Variants in CACNA1A observed in about 807,000 individuals in gnomAD.
CACNA1A encodes the protein voltage-dependent P/Q-type calcium channel subunit alpha-1A.
CACNA1A carries 57 observed loss-of-function variants against 262.4 expected under a neutral mutation model. That is an observed-to-expected ratio of 0.22 (90% CI 0.18 to 0.27). The LOEUF (loss-of-function observed/expected upper bound fraction) is 0.27. Among genes scored for constraint, CACNA1A ranks in the 10% least tolerant of loss-of-function variants. CACNA1A has a pLI of 1.00. For synonymous variants in CACNA1A, 1,431 were observed against 1,419.3 expected (o/e 1.01, Z -0.18); for missense variants, 2,526 against 3,562.8 (o/e 0.71, Z 7.41).
At chr19:13,328,091 G>A (rs1348650012) in intron 10 of CACNA1A, among the ~76,000 whole-genome samples, 1 of 151,850 alleles carries the variant, frequency 6.6e-6, no homozygotes, top group Non-Finnish European at 1.5e-5. Context: ...GTTTTTCAGA[G>A]ATGGAGCCTT....
rs551437481 is a variant in CACNA1A at position 13,392,192 on chromosome 19, C to T, written c.540-20413G>A. 2.6e-5 allele frequency among the ~76,000 whole-genome samples: 4 copies of T among 151,084 alleles called. No homozygotes were observed. The South Asian group carries it at 6.3e-4, about 24-fold the overall frequency. On this transcript the variant is annotated intron_variant, in intron 3 of 46. Coordinates refer to ENST00000360228, the MANE Select transcript of CACNA1A (RefSeq NM_001127222.2). ...TGCCACTGCACTCGAGCCTGGTCAA[C>T]AAGAGTGAAACTCTGTTCAAAAAAA...
intron 24 of CACNA1A, chr19:13,274,109 A>T (rs1413057140): frequency 1.3e-5 from 2 of 152,106 alleles, no homozygotes; most frequent in African/African-American, 4.8e-5. Context: ...GAGGGAGAGG[A>T]GAAGAGAAAA....
intron 3 of CACNA1A, among the ~76,000 whole-genome samples, chr19:13,388,659 T>A (rs570388955): frequency 3.3e-5 from 5 of 152,212 alleles, no homozygotes; most frequent in Non-Finnish European, 7.3e-5. Context: ...GTATGACGCC[T>A]GTCTCTTGTT....
At chr19:13,330,809 A>G (rs983330064) in intron 9 of CACNA1A, among the ~76,000 whole-genome samples, 2 of 152,092 alleles carry the variant, frequency 1.3e-5, no homozygotes, top group Non-Finnish European at 2.9e-5. Context: ...CAGGCTGGTC[A>G]AACTCTTGAC....
At chr19:13,253,228 T>C (rs2056449241) in intron 29 of CACNA1A, 127 bp from the exon 30 acceptor site, 2 of 554,374 alleles carry the variant, frequency 3.6e-6, no homozygotes, top group Middle Eastern at 4.8e-4. Flanking sequence ...GCAACCTCAC[T>C]GGTAGGAGGC....
intron 1 of CACNA1A, among the ~76,000 whole-genome samples, chr19:13,488,557 C>A (rs1208467410): frequency 1.3e-5 from 2 of 151,606 alleles, no homozygotes; most frequent in African/African-American, 4.8e-5. Flanking sequence ...TGCCACCACA[C>A]CTGGGTAATT....
At chr19:13,473,686 T>C (rs1047725526) in intron 1 of CACNA1A, among the ~76,000 whole-genome samples, 12 of 152,148 alleles carry the variant, frequency 7.9e-5, no homozygotes, top group Non-Finnish European at 4.4e-5. Flanking sequence ...AGGAACCACA[T>C]CTGTCCTGCC....
intron 1 of CACNA1A, among the ~76,000 whole-genome samples, chr19:13,492,796 C>T (rs1385587539): frequency 1.3e-5 from 2 of 152,188 alleles, no homozygotes; most frequent in East Asian, 1.9e-4. Flanking sequence ...CCTGCCCTCA[C>T]GTCCTCCCAT....
At chr19:13,488,905 G>C (rs1028228043) in intron 1 of CACNA1A, among the ~76,000 whole-genome samples, 39 of 151,640 alleles carry the variant, frequency 2.6e-4, no homozygotes, top group African/African-American at 3.9e-4. Flanking sequence ...GCACTATTCA[G>C]CACAGTGGTC....
chr19:13,215,728 C>T (rs892920367), intron 38 of CACNA1A, among the ~76,000 whole-genome samples: 3 of 150,976 alleles, frequency 2.0e-5, no homozygotes, highest in Non-Finnish European at 4.4e-5. Context: ...GAGATTCTCC[C>T]GCTTCAGCTT....
chr19:13,372,894 G>A (rs1181460112), intron 3 of CACNA1A, among the ~76,000 whole-genome samples: 6 of 152,218 alleles, frequency 3.9e-5, no homozygotes, highest in Non-Finnish European at 5.9e-5. Context: ...TAGGTGGGAT[G>A]AGGCTTCCAT....
At chr19:13,369,313 C>T (rs1355496322) in intron 4 of CACNA1A, among the ~76,000 whole-genome samples, 4 of 152,112 alleles carry the variant, frequency 2.6e-5, no homozygotes, top group Admixed American at 6.6e-5. Flanking sequence ...TACAAAAGGC[C>T]GGCATCCTTG....
chr19:13,245,103 C>T, intron 31 of CACNA1A, 79 bp downstream of exon 31: 1 of 1,140,212 alleles, frequency 8.8e-7, no homozygotes, highest in Non-Finnish European at 1.3e-6. Context: ...CACACTGCCT[C>T]TGGGACCGCT....
chr19:13,377,216 C>A (rs907552151), intron 3 of CACNA1A, among the ~76,000 whole-genome samples: 8 of 152,036 alleles, frequency 5.3e-5, no homozygotes, highest in Admixed American at 1.3e-4. Context: ...CACGCCTCGG[C>A]CTCCCAAAGT....
At chr19:13,406,516 G>T (rs1204497547) in intron 3 of CACNA1A, among the ~76,000 whole-genome samples, 1 of 96,568 alleles carries the variant, frequency 1.0e-5, no homozygotes, top group African/African-American at 3.6e-5. Flanking sequence ...TATATATGAA[G>T]GGAATCTGAT....
At chr19:13,384,437 C>A (rs913177374) in intron 3 of CACNA1A, among the ~76,000 whole-genome samples, 6 of 152,148 alleles carry the variant, frequency 3.9e-5, no homozygotes, top group African/African-American at 1.4e-4. Context: ...GTGGCTCATG[C>A]CTGTAATCTC....
At chr19:13,339,763 T>C (rs1008763939) in intron 6 of CACNA1A, among the ~76,000 whole-genome samples, 91 of 150,456 alleles carry the variant, frequency 6.0e-4, no homozygotes, top group African/African-American at 2.1e-3. Context: ...CATGTGTGTT[T>C]TGCCATGGAT....
chr19:13,459,519 T>C (rs534246228), intron 1 of CACNA1A, among the ~76,000 whole-genome samples: 113 of 152,342 alleles, frequency 7.4e-4, no homozygotes, highest in African/African-American at 2.6e-3. Context: ...ATTGGCTTTC[T>C]GCCTCTGAGC....
rs2054924092 is a variant in CACNA1A, at chr19:13,214,416, G to A, written c.5840-83C>T. The A allele has an allele frequency of 1.3e-6, 2 of 1,543,140 alleles. No homozygotes were observed. The highest frequency in any genetic ancestry group is 1.4e-5 in the African/African-American group (1 of 73,502). ...TGGGTCCCTGTGTATACCAGCCCAG[G>A]CCAACACTCTCCCCAGGCCTCCCCT... is the stretch of plus-strand genomic sequence containing the variant. On this transcript the variant is annotated intron_variant, in intron 39 of 46. Coordinates refer to ENST00000360228, the MANE Select transcript of CACNA1A (RefSeq NM_001127222.2). The surrounding 1 kb of genome is among the most constrained non-coding windows in gnomAD (Gnocchi z 4.1).
Sources: gnomAD v4.1 joint callset for allele counts (sites outside exome capture counted in the v4.1 genomes callset) on GRCh38, gnomAD v4.1.1 for gene constraint, Gnocchi (gnomAD v3.1) non-coding constraint, MANE v1.5 for transcripts, NCBI Gene and HGNC (gene_info 2026-07-23, HGNC 2026-07-21) for gene names.